The following SPCS1 variants were observed in gnomAD, a reference collection of about 807,000 sequenced individuals.
SPCS1 encodes the protein signal peptidase complex subunit 1, also known as SPase 12 kDa subunit.
Under a neutral mutation model 16.4 loss-of-function variants are expected in SPCS1, and 10 were observed. That is an observed-to-expected ratio of 0.61 (90% CI 0.38 to 1.03). SPCS1 has a LOEUF of 1.03. Among genes scored for constraint, SPCS1 ranks in the 50% least tolerant of loss-of-function variants. The pLI is 0.01. For missense variants in SPCS1, 118 were observed against 123.8 expected (o/e 0.95, Z 0.22); for synonymous variants, 47 against 42.5 (o/e 1.10, Z -0.41).
intron 3 of SPCS1, chr3:52,707,483 A>G: frequency 2.0e-6 from 1 of 508,460 alleles, no homozygotes; most frequent in South Asian, 3.0e-5. Flanking sequence ...TCTTAAAGCC[A>G]TTTGTATAGG....
In SPCS1 at chr3:52,706,136, C is replaced by T. The variant is rs1384030879; in HGVS notation, c.-111C>T. ...CATCGCTCTCCCGGGCTTAGAAGGCCCGGCTACTGACGCGCAGTGCCAGAC... is the reference window on the plus strand; with the variant it reads ...CATCGCTCTCCCGGGCTTAGAAGGCTCGGCTACTGACGCGCAGTGCCAGAC... On this transcript the variant is annotated 5_prime_UTR_variant, in exon 1 of 4. Transcript: ENST00000619898. The T allele has an allele frequency of 6.5e-7, 1 of 1,540,936 alleles. No individual in the cohort carries two copies. The highest frequency in any genetic ancestry group is 8.7e-7 in the Non-Finnish European group (1 of 1,147,078).
chr3:52,710,067 A>T lies in SPCS1; in HGVS notation c.*2255A>T, dbSNP rs1328395192. On this transcript the variant is annotated 3_prime_UTR_variant, in exon 4 of 4. Transcript: ENST00000619898. Reference sequence around the variant, plus strand: ...CTGGCACACAGTAAACTCTAAATAAAAATCTGTTAAGTGTGCCGGGCGCGG... The same window carrying T: ...CTGGCACACAGTAAACTCTAAATAATAATCTGTTAAGTGTGCCGGGCGCGG... 5 of 152,260 alleles carry T rather than the reference A, an allele frequency of 3.3e-5. No individual in the cohort carries two copies. The highest frequency in any genetic ancestry group is 1.2e-4 in the African/African-American group (5 of 41,438). 9.4% of individuals were successfully genotyped at this position (152,260 alleles called of 1,614,324 possible). A position where few individuals can be genotyped will look rare whatever the true frequency, so the allele number is the denominator to read the frequency against.
intron 3 of SPCS1, 189 bp from the exon 4 acceptor site, chr3:52,707,498 G>A (rs2097345800): frequency 1.7e-6 from 1 of 583,274 alleles, no homozygotes; most frequent in Non-Finnish European, 3.0e-6. Context: ...TATAGGCAGT[G>A]AGCCTGTTCC....
intron 3 of SPCS1, 107 bp downstream of exon 3, chr3:52,706,986 C>A: frequency 1.2e-6 from 1 of 807,518 alleles, no homozygotes; most frequent in Non-Finnish European, 2.2e-6. Flanking sequence ...CCTCATCCTT[C>A]CAAACAGCGT....
In SPCS1 at chr3:52,706,178, C is replaced by G. The variant is rs1365705263; in HGVS notation, c.-69C>G. 10 of 1,549,870 alleles carry G rather than the reference C, an allele frequency of 6.5e-6. No homozygotes were observed. The East Asian group carries it at 1.9e-4, about 30-fold the overall frequency. ...GTGCCAGACCTTACCCCTCACGGTC[C>G]TTAAGTCTCGGTCGCCCTCGCCTCG... On this transcript the variant is annotated 5_prime_UTR_variant, in exon 1 of 4. Transcript: ENST00000619898.
rs2097347384 is a variant in SPCS1 at position 52,708,792 on chromosome 3, G to C, written c.*980G>C. ...GTAAAGGTTGTGCAGGTGATATTCA[G>C]TAACACTGCAGTGTAGCCAGAGCAA... On this transcript the variant is annotated 3_prime_UTR_variant, in exon 4 of 4. Transcript: ENST00000619898. 1.3e-5 allele frequency: 2 copies of C among 151,988 alleles called. No individual in the cohort carries two copies. The highest frequency in any genetic ancestry group is 4.1e-4 in the South Asian group (2 of 4,822). 9.4% of individuals were successfully genotyped at this position (151,988 alleles called of 1,614,324 possible).
chr3:52,706,732 G>GC, intron 2 of SPCS1, 29 bp downstream of exon 2: 2 of 1,609,300 alleles, frequency 1.2e-6, no homozygotes, highest in Non-Finnish European at 1.7e-6. Context: ...TTTAATCTCC[G>GC]CCCCCGCCTC....
chr3:52,709,277 A>G lies in SPCS1; in HGVS notation c.*1465A>G, dbSNP rs1248144416. 5 of 152,222 alleles carry G rather than the reference A, an allele frequency of 3.3e-5. No homozygotes were observed. Among genetic ancestry groups the G allele is most frequent in the Admixed American group, 2.6e-4 (4 of 15,274 alleles). The allele number at this position is 152,222 out of a possible 1,614,324, so 9.4% of individuals were successfully genotyped here. ...AACTGTGGCCAAAGGTATATTCGGA[A>G]GAAAATTCACAGTCTTAAAGATGAG... is the stretch of plus-strand genomic sequence containing the variant. On this transcript the variant is annotated 3_prime_UTR_variant, in exon 4 of 4. Transcript: ENST00000619898.
In SPCS1 at chr3:52,709,738, C is replaced by A. The variant is rs1363924045; in HGVS notation, c.*1926C>A. On this transcript the variant is annotated 3_prime_UTR_variant, in exon 4 of 4. Transcript: ENST00000619898. Reference sequence around the variant, plus strand: ...AAAAAAAAAAGATATGGGTGAGATTCCTTTAATTCTAATAAAATACCTACT... The same window carrying A: ...AAAAAAAAAAGATATGGGTGAGATTACTTTAATTCTAATAAAATACCTACT... 1 of 148,228 alleles carries A rather than the reference C, an allele frequency of 6.7e-6. No homozygotes were observed. Among genetic ancestry groups the A allele is most frequent in the East Asian group, 2.0e-4 (1 of 5,080 alleles). 9.2% of individuals were successfully genotyped at this position (148,228 alleles called of 1,614,324 possible).
At position 52,710,959 on chromosome 3, in the gene SPCS1, A is replaced by G. The variant is rs1266461019; in HGVS notation, c.*3147A>G. 6.6e-6 allele frequency: 1 copy of G among 152,666 alleles called. No individual in the cohort carries two copies. Among genetic ancestry groups the G allele is most frequent in the African/African-American group, 2.4e-5 (1 of 41,466 alleles). The allele number at this position is 152,666 out of a possible 1,614,324, so 9.5% of individuals were successfully genotyped here. ...CATTTAAAACATGGAAAGACAACTA[A>G]TATCTTACAGTACATGAAGACAAAC... On this transcript the variant is annotated 3_prime_UTR_variant, in exon 4 of 4. Transcript: ENST00000619898.
chr3:52,706,295 C>T lies in SPCS1; in HGVS notation c.36+13C>T, dbSNP rs1171425094. 6.3e-7 allele frequency: 1 copy of T among 1,593,048 alleles called. No homozygotes were observed. The highest frequency in any genetic ancestry group is 1.7e-5 in the Admixed American group (1 of 59,672). ...GCCCACGCAGATGGTGAGGGCGCAACCCGGGGACCTCTGCACGCCGTTCTT... is the reference window on the plus strand; with the variant it reads ...GCCCACGCAGATGGTGAGGGCGCAATCCGGGGACCTCTGCACGCCGTTCTT... On this transcript the variant is annotated intron_variant, in intron 1 of 3. Coordinates refer to ENST00000619898, the MANE Select transcript of SPCS1 (RefSeq NM_014041.5).
chr3:52,706,940 G>T lies in SPCS1; in HGVS notation c.183+61G>T, dbSNP rs1002695285. On this transcript the variant is annotated intron_variant, in intron 3 of 3. Coordinates refer to ENST00000619898, the MANE Select transcript of SPCS1 (RefSeq NM_014041.5). ...TTTGTGAGTCGGGTTGGTTTGGTTA[G>T]ACCTACTCAGTAGTGAGACCCAAAG... The T allele has an allele frequency of 3.3e-6, 4 of 1,208,704 alleles. No individual in the cohort carries two copies. In the South Asian group the frequency reaches 4.8e-5, roughly 15 times the overall value. The allele number at this position is 1,208,704 out of a possible 1,614,324, so 74.9% of individuals were successfully genotyped here. A position where few individuals can be genotyped will look rare whatever the true frequency, so the allele number is the denominator to read the frequency against.
At chr3:52,706,996 T>G in intron 3 of SPCS1, 117 bp downstream of exon 3, 1 of 780,682 alleles carries the variant, frequency 1.3e-6, no homozygotes, top group Non-Finnish European at 2.3e-6. Flanking sequence ...CCAAACAGCG[T>G]TTCCCTTTGC....
At chr3:52,707,617 G>A (rs996218322) in intron 3 of SPCS1, 70 bp from the exon 4 acceptor site, 7 of 1,526,002 alleles carry the variant, frequency 4.6e-6, no homozygotes, top group Non-Finnish European at 6.3e-6. Context: ...TTGGGAACCT[G>A]GCATTATACG....
At position 52,710,337 on chromosome 3, in the gene SPCS1, C is replaced by T; in HGVS notation, c.*2525C>T. On this transcript the variant is annotated 3_prime_UTR_variant, in exon 4 of 4. Coordinates refer to ENST00000619898, the MANE Select transcript of SPCS1 (RefSeq NM_014041.5). ...CTGAGATTGGGCCACTGCACTTCAG[C>T]CTGGGTGACAGAGCAAGACTGTGTC... 1 of 149,744 alleles carries T rather than the reference C, an allele frequency of 6.7e-6. No homozygotes were observed. Among genetic ancestry groups the T allele is most frequent in the South Asian group, 2.1e-4 (1 of 4,722 alleles). The allele number at this position is 149,744 out of a possible 1,614,324, so 9.3% of individuals were successfully genotyped here. A position where few individuals can be genotyped will look rare whatever the true frequency, so the allele number is the denominator to read the frequency against.
In SPCS1 at chr3:52,706,137, C is replaced by A; in HGVS notation, c.-110C>A. 2 of 1,540,956 alleles carry A rather than the reference C, an allele frequency of 1.3e-6. No individual in the cohort carries two copies. The highest frequency in any genetic ancestry group is 1.7e-6 in the Non-Finnish European group (2 of 1,147,100). ...ATCGCTCTCCCGGGCTTAGAAGGCC[C>A]GGCTACTGACGCGCAGTGCCAGACC... On this transcript the variant is annotated 5_prime_UTR_variant, in exon 1 of 4. Coordinates refer to ENST00000619898, the MANE Select transcript of SPCS1 (RefSeq NM_014041.5).
Position 52,709,776 on chromosome 3 carries a change from A to AT in SPCS1, c.*1966dup, listed in dbSNP as rs1351480205. On this transcript the variant is annotated 3_prime_UTR_variant, in exon 4 of 4. Coordinates refer to ENST00000619898, the MANE Select transcript of SPCS1 (RefSeq NM_014041.5). ...TAAAATACCTACTTTATACCAATAC[A>AT]TTAGAAAAATTAAGTAAAACTGATG... is the stretch of plus-strand genomic sequence containing the variant. 1 of 151,930 alleles carries AT rather than the reference A, an allele frequency of 6.6e-6. No individual in the cohort carries two copies. The highest frequency in any genetic ancestry group is 1.5e-5 in the Non-Finnish European group (1 of 68,004). The allele number at this position is 151,930 out of a possible 1,614,324, so 9.4% of individuals were successfully genotyped here. A position where few individuals can be genotyped will look rare whatever the true frequency, so the allele number is the denominator to read the frequency against.
Position 52,706,211 on chromosome 3 carries a change from C to T in SPCS1, c.-36C>T, listed in dbSNP as rs747294736. On this transcript the variant is annotated 5_prime_UTR_variant, in exon 1 of 4. Transcript: ENST00000619898. Reference sequence around the variant, plus strand: ...TCGGTCGCCCTCGCCTCGCAGCCTGCCACCCGCGCTCAGCTGCCCGCCTCC... The same window carrying T: ...TCGGTCGCCCTCGCCTCGCAGCCTGTCACCCGCGCTCAGCTGCCCGCCTCC... 16 of 1,573,946 alleles carry T rather than the reference C, an allele frequency of 1.0e-5. No homozygotes were observed. In the Admixed American group the frequency reaches 2.5e-4, roughly 24 times the overall value.
At chr3:52,707,036 G>C in intron 3 of SPCS1, 157 bp downstream of exon 3, 1 of 666,962 alleles carries the variant, frequency 1.5e-6, no homozygotes, top group Non-Finnish European at 2.7e-6. Context: ...TGCCAAAATA[G>C]TGTCAGATGG....
Sources: gnomAD v4.1 joint callset for allele counts on GRCh38, gnomAD v4.1.1 for gene constraint, MANE v1.5 for transcripts, NCBI Gene and HGNC (gene_info 2026-07-23, HGNC 2026-07-21) for gene names.